Variants in TMEM230 observed in about 807,000 individuals in gnomAD.
TMEM230 encodes transmembrane protein 230.
A neutral mutation model predicts 15.8 loss-of-function variants in TMEM230; 10 were observed. That is an observed-to-expected ratio of 0.63 (90% CI 0.39 to 1.07). The LOEUF is 1.07. TMEM230 is among the 50% of genes least tolerant of loss of function. The pLI is 0.01. For synonymous variants in TMEM230, 67 were observed against 76.9 expected, an observed-to-expected ratio of 0.87 and a Z score of 0.68; for missense variants, 165 against 193.3, an observed-to-expected ratio of 0.85 and a Z score of 0.87.
chr20:5,112,219 C>T (rs763914536), intron 1 of TMEM230, among the ~76,000 whole-genome samples: 4 of 152,122 alleles, frequency 2.6e-5, no homozygotes, highest in Admixed American at 6.5e-5. Context: ...TATTAATATC[C>T]GTTTTTATTG....
At chr20:5,067,705 G>C (rs1356474251), downstream of TMEM230, among the ~76,000 whole-genome samples, 2 of 148,548 alleles carry the variant, frequency 1.3e-5, no homozygotes, top group African/African-American at 5.0e-5. Context: ...ACCTCCCAAA[G>C]TTCTGGGATT....
chr20:5,092,540 A>G (rs1247194503), intron 3 of TMEM230, among the ~76,000 whole-genome samples: 2 of 152,128 alleles, frequency 1.3e-5, no homozygotes, highest in Non-Finnish European at 2.9e-5. Context: ...CAACATGGAG[A>G]AACCCTGTCT....
chr20:5,070,886 C>A (rs1406739483), intron 3 of TMEM230, among the ~76,000 whole-genome samples: 1 of 152,172 alleles, frequency 6.6e-6, no homozygotes, highest in Non-Finnish European at 1.5e-5. Context: ...CTCACCTCAG[C>A]CTCCCAAATA....
chr20:5,101,021 T>G, intron 4 of TMEM230, 90 bp from the exon 4 acceptor site: 1 of 1,468,482 alleles, frequency 6.8e-7, no homozygotes, highest in Middle Eastern at 1.8e-4. Context: ...AGATCAGTAT[T>G]TTATACTCTT....
At chr20:5,110,160 G>A (rs1212393556) in intron 2 of TMEM230, among the ~76,000 whole-genome samples, 2 of 150,452 alleles carry the variant, frequency 1.3e-5, no homozygotes, top group Non-Finnish European at 3.0e-5. Flanking sequence ...AGGTTCAAAC[G>A]ATTCTCCTGC....
At chr20:5,091,395 G>A (rs943617811) in intron 3 of TMEM230, among the ~76,000 whole-genome samples, 13 of 152,104 alleles carry the variant, frequency 8.5e-5, no homozygotes, top group African/African-American at 3.1e-4. Flanking sequence ...ATTTTTAGTA[G>A]AGATGGGGTT....
chr20:5,100,976 A>T (rs200002399), intron 4 of TMEM230, 45 bp from the exon 4 acceptor site: 81 of 1,606,530 alleles, frequency 5.0e-5, no homozygotes. Flanking sequence ...TAAGAGTTAC[A>T]CATTTTAAAA....
chr20:5,080,294 G>T (rs1047026969), intron 3 of TMEM230, among the ~76,000 whole-genome samples: 2 of 152,210 alleles, frequency 1.3e-5, no homozygotes, highest in Non-Finnish European at 2.9e-5. Flanking sequence ...TGCAATTAAT[G>T]TGTTCACAAA....
chr20:5,108,113 AAAAACAAAAC>A (rs370253577), intron 3 of TMEM230, among the ~76,000 whole-genome samples: 1 of 150,944 alleles, frequency 6.6e-6, no homozygotes, highest in African/African-American at 2.4e-5. Flanking sequence ...ACTACATCTT[AAAAACAAAAC>A]AAAACAAAAC....
rs2089841099 is a variant in TMEM230, at chr20:5,101,075, T to A, written c.412-144A>T. The A allele has an allele frequency of 1.8e-5, 18 of 1,027,308 alleles. 1 individual carries two copies. In the South Asian group the frequency reaches 4.1e-4, roughly 24 times the overall value. 63.6% of individuals were successfully genotyped at this position (1,027,308 alleles called of 1,614,324 possible). ...TTGTATACCACCAAGGGAAAAGGTT[T>A]CCTCCTGATTATAAATTGAAGACAA... On this transcript the variant is annotated intron_variant, in intron 4 of 4. Transcript: ENST00000342308.
chr20:5,106,177 C>G lies in TMEM230; in HGVS notation c.411+11G>C, dbSNP rs775027715. The G allele has an allele frequency of 6.2e-7, 1 of 1,601,960 alleles. No individual in the cohort carries two copies. The highest frequency in any genetic ancestry group is 1.1e-5 in the South Asian group (1 of 89,168). On this transcript the variant is annotated intron_variant, in intron 4 of 4. Transcript: ENST00000342308. ...ATCTCACAACTTATTCCCACATGCCCGTCAGCTTACCCCTTTGCTGATGTA... is the reference window on the plus strand; with the variant it reads ...ATCTCACAACTTATTCCCACATGCCGGTCAGCTTACCCCTTTGCTGATGTA...
chr20:5,092,715 CAAAA>C (rs749828640), intron 3 of TMEM230, among the ~76,000 whole-genome samples: 2 of 53,028 alleles, frequency 3.8e-5, no homozygotes, highest in Non-Finnish European at 3.9e-5. Flanking sequence ...AACTCCGTCT[CAAAA>C]AAAAAAAAAA....
At chr20:5,086,205 C>T (rs2089332187) in intron 3 of TMEM230, among the ~76,000 whole-genome samples, 1 of 140,308 alleles carries the variant, frequency 7.1e-6, no homozygotes, top group African/African-American at 2.7e-5. Flanking sequence ...CCAGCCTGGG[C>T]AACATAGTGA....
At chr20:5,084,380 C>A (rs568577539) in intron 3 of TMEM230, among the ~76,000 whole-genome samples, 1 of 151,800 alleles carries the variant, frequency 6.6e-6, no homozygotes, top group African/African-American at 2.4e-5. Flanking sequence ...TACGCCACCA[C>A]GCCTGGCTAA....
chr20:5,072,519 G>A (rs532804071), intron 3 of TMEM230, among the ~76,000 whole-genome samples: 106 of 151,514 alleles, frequency 7.0e-4, no homozygotes, highest in African/African-American at 2.3e-3. Context: ...CTTTTTGGCC[G>A]TGAGACTATA....
At chr20:5,097,534 C>T (rs903591812), downstream of TMEM230, among the ~76,000 whole-genome samples, 8 of 152,234 alleles carry the variant, frequency 5.3e-5, no homozygotes, top group African/African-American at 9.6e-5. Flanking sequence ...ACTACTTCTA[C>T]TGTCCATACC....
intron 1 of TMEM230, among the ~76,000 whole-genome samples, chr20:5,111,990 G>T (rs1347947072): frequency 6.6e-6 from 1 of 152,146 alleles, no homozygotes; most frequent in Non-Finnish European, 1.5e-5. Flanking sequence ...GGGACTACAG[G>T]AGCCTGCTAC....
At chr20:5,099,802 G>A (rs2089783232), downstream of TMEM230, 1 of 930,764 alleles carries the variant, frequency 1.1e-6, no homozygotes, top group African/African-American at 1.8e-5. Context: ...GGTAGATCTA[G>A]GTACTGGGAT....
At chr20:5,110,430 G>C (rs1346426587) in intron 2 of TMEM230, among the ~76,000 whole-genome samples, 3 of 152,022 alleles carry the variant, frequency 2.0e-5, no homozygotes, top group African/African-American at 7.3e-5. Flanking sequence ...GATTACAGGC[G>C]TGTGCCACCA....
Sources: allele counts gnomAD v4.1 joint callset (sites outside exome capture counted in the v4.1 genomes callset), GRCh38; gene constraint gnomAD v4.1.1; transcripts MANE v1.5; gene names NCBI Gene and HGNC (gene_info 2026-07-23, HGNC 2026-07-21).